Variants in PTN observed in about 807,000 individuals in gnomAD.
The protein encoded by PTN is pleiotrophin.
Under a neutral mutation model 24.1 loss-of-function variants are expected in PTN, and 18 were observed. That is an observed-to-expected ratio of 0.75 (90% CI 0.52 to 1.11). The LOEUF (loss-of-function observed/expected upper bound fraction) is 1.11. Among genes scored for constraint, PTN ranks in the 50% least tolerant of loss-of-function variants. The probability of loss-of-function intolerance (pLI) is 0.00; values close to 1 mark genes in which losing one functional copy is unlikely to be tolerated. For synonymous variants in PTN, 78 were observed against 68.6 expected, an observed-to-expected ratio of 1.14 and a Z score of -0.67; for missense variants, 163 against 198.8, an observed-to-expected ratio of 0.82 and a Z score of 1.08.
At chr7:137,236,370 C>A (rs1313727654) in intron 4 of PTN, 3 of 667,040 alleles carry the variant, frequency 4.5e-6, no homozygotes, top group South Asian at 1.6e-5. Flanking sequence ...TGGGATCAGT[C>A]CCTGATCTGA....
chr7:137,310,697 G>A (rs950676011), intron 1 of PTN, among the ~76,000 whole-genome samples: 2 of 152,004 alleles, frequency 1.3e-5, no homozygotes, highest in South Asian at 2.1e-4. Context: ...AGCCACCACC[G>A]CAGGCCATCT....
Position 137,262,831 on chromosome 7 carries a change from T to G in PTN, c.-1-7857A>C, listed in dbSNP as rs1585018462. On this transcript the variant is annotated intron_variant, in intron 1 of 4. Coordinates refer to ENST00000348225, the MANE Select transcript of PTN (RefSeq NM_002825.7). ...ATAACAACAGTTGCTAGGTCAGGGG[T>G]GGAATTTTTACTACCAGGCTTAGGT... 2.0e-5 allele frequency among the ~76,000 whole-genome samples: 3 copies of G among 152,102 alleles called. No individual in the cohort carries two copies. In the South Asian group the frequency reaches 6.2e-4, roughly 32 times the overall value.
intron 1 of PTN, among the ~76,000 whole-genome samples, chr7:137,316,656 T>G (rs1661143614): frequency 6.6e-6 from 1 of 152,150 alleles, no homozygotes; most frequent in South Asian, 2.1e-4. Flanking sequence ...GAGATTACTT[T>G]CCTTTCTGCA....
At chr7:137,284,686 A>G (rs891030903) in intron 1 of PTN, among the ~76,000 whole-genome samples, 1 of 152,172 alleles carries the variant, frequency 6.6e-6, no homozygotes, top group Non-Finnish European at 1.5e-5. Context: ...TATGAGGTAC[A>G]TACACTGTTA....
intron 1 of PTN, among the ~76,000 whole-genome samples, chr7:137,288,162 G>A (rs1185954920): frequency 6.6e-6 from 1 of 152,180 alleles, no homozygotes; most frequent in Non-Finnish European, 1.5e-5. Context: ...ATAGTTTAGT[G>A]AGATGAAGGT....
At chr7:137,236,117 T>A (rs1324479033) in intron 4 of PTN, 3 of 699,924 alleles carry the variant, frequency 4.3e-6, no homozygotes, top group Non-Finnish European at 7.8e-6. Flanking sequence ...GTCCCCAATA[T>A]GTCAGTTATT....
chr7:137,330,048 A>G (rs1420836347), intron 1 of PTN, among the ~76,000 whole-genome samples: 1 of 152,178 alleles, frequency 6.6e-6, no homozygotes, highest in African/African-American at 2.4e-5. Context: ...GCACTTTGGG[A>G]GGCTGAGGTG....
intron 1 of PTN, among the ~76,000 whole-genome samples, chr7:137,317,824 A>T (rs202236669): frequency 3.3e-5 from 5 of 152,162 alleles, no homozygotes; most frequent in East Asian, 3.9e-4. Flanking sequence ...TTGCAGGAAG[A>T]TGCGTCAACT....
chr7:137,267,597 C>T (rs576035324), intron 1 of PTN, among the ~76,000 whole-genome samples: 9 of 152,250 alleles, frequency 5.9e-5, no homozygotes, highest in African/African-American at 1.2e-4. Flanking sequence ...ATAGTAACAC[C>T]GTAATCTCCC....
chr7:137,337,604 C>A (rs1810470050), intron 1 of PTN, among the ~76,000 whole-genome samples: 1 of 152,170 alleles, frequency 6.6e-6, no homozygotes, highest in African/African-American at 2.4e-5. Flanking sequence ...AAGGTTTTCT[C>A]CATTCTGGAG....
chr7:137,261,236 C>T (rs1809032876), intron 1 of PTN, among the ~76,000 whole-genome samples: 2 of 151,984 alleles, frequency 1.3e-5, no homozygotes, highest in Admixed American at 6.6e-5. Context: ...TATTTTAAGA[C>T]CAAAATCTGG....
intron 4 of PTN, among the ~76,000 whole-genome samples, chr7:137,233,124 T>C (rs948156714): frequency 4.6e-5 from 7 of 151,976 alleles, no homozygotes; most frequent in Non-Finnish European, 8.8e-5. Flanking sequence ...TTTTTTTCTA[T>C]GCTGAATAGA....
chr7:137,259,886 G>A (rs572988809), intron 1 of PTN, among the ~76,000 whole-genome samples: 1 of 152,158 alleles, frequency 6.6e-6, no homozygotes, highest in South Asian at 2.1e-4. Flanking sequence ...ATATGTAAAT[G>A]TAATTTAACT....
At chr7:137,296,768 G>A (rs1051520543) in intron 1 of PTN, among the ~76,000 whole-genome samples, 1 of 152,010 alleles carries the variant, frequency 6.6e-6, no homozygotes, top group Non-Finnish European at 1.5e-5. Context: ...GCCCATAATT[G>A]CACACTAGTG....
intron 1 of PTN, among the ~76,000 whole-genome samples, chr7:137,262,159 A>G (rs225137): frequency 0.45 from 67,952 of 151,956 alleles, 15,515 homozygotes; most frequent in African/African-American, 0.55. Context: ...CAATTTTCCT[A>G]AAAAATAACT....
intron 4 of PTN, among the ~76,000 whole-genome samples, chr7:137,233,099 T>C (rs1808456886): frequency 6.6e-6 from 1 of 151,950 alleles, no homozygotes; most frequent in African/African-American, 2.4e-5. Context: ...CGTGTTACAA[T>C]TCTGAGCCCA....
chr7:137,337,612 GAGGT>G (rs1810470242), intron 1 of PTN, among the ~76,000 whole-genome samples: 1 of 152,196 alleles, frequency 6.6e-6, no homozygotes, highest in Non-Finnish European at 1.5e-5. Flanking sequence ...CTCCATTCTG[GAGGT>G]AGTCTTGAAT....
chr7:137,331,505 C>G (rs1460853712), intron 1 of PTN, among the ~76,000 whole-genome samples: 2 of 152,186 alleles, frequency 1.3e-5, no homozygotes, highest in African/African-American at 4.8e-5. Context: ...GGTGGTCAAA[C>G]CCAAATTTGA....
rs1808821014 is a variant in PTN at position 137,251,232 on chromosome 7, T to A, written c.449A>T (p.Gln150Leu). 7 of 1,613,976 alleles carry A rather than the reference T, an allele frequency of 4.3e-6. No homozygotes were observed. The East Asian group carries it at 1.6e-4, about 36-fold the overall frequency. Reference sequence around the variant, plus strand: ...GTGGTATAATGGCAAGGACTTACCTTGAGGTTTGGGCTTGGTCAGTTTGCC... The same window carrying A: ...GTGGTATAATGGCAAGGACTTACCTAGAGGTTTGGGCTTGGTCAGTTTGCC... Reference protein sequence around the residue: ...PCGKLTKPKPQAESKKKKKEG... With the variant: ...PCGKLTKPKPLAESKKKKKEG... The change falls in exon 4 of 5, where the codon CAA (glutamine) becomes CTA (leucine). Residue 150 changes from glutamine (Q) to leucine (L), a missense_variant and splice_region_variant. Physicochemically the swap from Gln to Leu is moderately radical, Grantham distance 113 (BLOSUM62 -2). Coordinates refer to ENST00000348225, the MANE Select transcript of PTN (RefSeq NM_002825.7).
Sources: allele counts gnomAD v4.1 joint callset (sites outside exome capture counted in the v4.1 genomes callset), GRCh38; gene constraint gnomAD v4.1.1; transcripts MANE v1.5; gene names NCBI Gene and HGNC (gene_info 2026-07-23, HGNC 2026-07-21).